SH3PXD2B: variants seen among roughly 807,000 people sequenced by gnomAD.
SH3PXD2B encodes the protein SH3 and PX domain-containing protein 2B.
In SH3PXD2B, 37 loss-of-function variants were observed where a neutral mutation model predicts 73.1. The ratio of observed to expected loss-of-function variants is 0.51; its 90% CI spans 0.39 to 0.67. The LOEUF (loss-of-function observed/expected upper bound fraction) is 0.67, where lower values mean the gene tolerates loss of function less well. SH3PXD2B is among the 30% of genes least tolerant of loss of function. The pLI is 0.00. For synonymous variants in SH3PXD2B, 457 were observed against 480.5 expected (o/e 0.95, Z 0.64); for missense variants, 1,053 against 1,197.8 (o/e 0.88, Z 1.78).
At chr5:172,406,671 G>A (rs1262149581) in intron 2 of SH3PXD2B, among the ~76,000 whole-genome samples, 1 of 152,168 alleles carries the variant, frequency 6.6e-6, no homozygotes, top group African/African-American at 2.4e-5. Context: ...GGATTTCATG[G>A]ACAGCAGGTC....
chr5:172,395,954 G>A (rs939350157), intron 3 of SH3PXD2B, among the ~76,000 whole-genome samples: 1 of 152,100 alleles, frequency 6.6e-6, no homozygotes, highest in Non-Finnish European at 1.5e-5. Flanking sequence ...TGGGTCAAGA[G>A]GCTGGCAAGG....
intron 7 of SH3PXD2B, among the ~76,000 whole-genome samples, chr5:172,359,343 T>C (rs148204047): frequency 0.065 from 8,733 of 134,010 alleles, 358 homozygotes; most frequent in South Asian, 0.23. Flanking sequence ...GCTATGATTG[T>C]GCCACTGCAC....
chr5:172,367,509 T>G (rs980010088), intron 6 of SH3PXD2B, among the ~76,000 whole-genome samples: 1 of 152,206 alleles, frequency 6.6e-6, no homozygotes, highest in African/African-American at 2.4e-5. Flanking sequence ...ATTACAGTTG[T>G]GAGCCACTGC....
intron 8 of SH3PXD2B, among the ~76,000 whole-genome samples, chr5:172,354,792 G>A (rs987667005): frequency 4.6e-5 from 7 of 152,126 alleles, no homozygotes; most frequent in Non-Finnish European, 1.0e-4. Context: ...ACTTTCATTC[G>A]TGTGACTGGG....
intron 4 of SH3PXD2B, among the ~76,000 whole-genome samples, chr5:172,383,910 T>C (rs1758002206): frequency 6.6e-6 from 1 of 151,754 alleles, no homozygotes; most frequent in African/African-American, 2.4e-5. Context: ...GCTGTGGTGC[T>C]ATCTTAGCAC....
At chr5:172,432,059 G>A (rs1225947352) in intron 1 of SH3PXD2B, among the ~76,000 whole-genome samples, 1 of 151,968 alleles carries the variant, frequency 6.6e-6, no homozygotes, top group Admixed American at 6.6e-5. Flanking sequence ...TGTAATCCCA[G>A]CTACTGGAGA....
At chr5:172,437,966 C>G (rs1332031930) in intron 1 of SH3PXD2B, among the ~76,000 whole-genome samples, 1 of 152,206 alleles carries the variant, frequency 6.6e-6, no homozygotes, top group South Asian at 2.1e-4. Context: ...CTCATTCATT[C>G]ATTCATTTGG....
At chr5:172,393,378 C>T (rs1003028784) in intron 4 of SH3PXD2B, among the ~76,000 whole-genome samples, 1 of 152,082 alleles carries the variant, frequency 6.6e-6, no homozygotes, top group African/African-American at 2.4e-5. Flanking sequence ...TTTAGAAATA[C>T]AATTGTTTTC....
At chr5:172,392,948 A>C (rs968803436) in intron 4 of SH3PXD2B, among the ~76,000 whole-genome samples, 2 of 152,184 alleles carry the variant, frequency 1.3e-5, no homozygotes, top group East Asian at 3.8e-4. Flanking sequence ...TGTCAGTACC[A>C]TACTATCCTG....
At chr5:172,381,049 T>A (rs1263261635) in intron 5 of SH3PXD2B, among the ~76,000 whole-genome samples, 1 of 152,220 alleles carries the variant, frequency 6.6e-6, no homozygotes, top group Non-Finnish European at 1.5e-5. Flanking sequence ...ATTTAAAAAA[T>A]TTTTGTGATT....
chr5:172,368,496 TTA>T (rs370892557), intron 6 of SH3PXD2B, among the ~76,000 whole-genome samples: 291 of 5,740 alleles, frequency 0.051, 20 homozygotes, highest in East Asian at 0.1. Context: ...TATATATATA[TTA>T]TATATATATA....
chr5:172,412,448 G>A (rs1419303335), intron 2 of SH3PXD2B, among the ~76,000 whole-genome samples: 1 of 152,218 alleles, frequency 6.6e-6, no homozygotes, highest in Admixed American at 6.5e-5. Context: ...CCCGGACAGT[G>A]CAGGGCTGGA....
At chr5:172,439,676 GTGCGCGCA>G (rs1379042868) in intron 1 of SH3PXD2B, among the ~76,000 whole-genome samples, 57 of 97,870 alleles carry the variant, frequency 5.8e-4, no homozygotes, top group Non-Finnish European at 2.8e-4. Flanking sequence ...GTGTGCGTGC[GTGCGCGCA>G]CGCGCGCGCA....
intron 1 of SH3PXD2B, among the ~76,000 whole-genome samples, chr5:172,442,777 C>T (rs964854813): frequency 6.6e-6 from 1 of 152,166 alleles, no homozygotes; most frequent in Non-Finnish European, 1.5e-5. Flanking sequence ...AGGAAGGGCT[C>T]TAAACCCTCT....
intron 6 of SH3PXD2B, among the ~76,000 whole-genome samples, chr5:172,372,858 G>C (rs1401321380): frequency 6.6e-6 from 1 of 152,148 alleles, no homozygotes; most frequent in African/African-American, 2.4e-5. Context: ...CTGGATTCTG[G>C]AAGTTCCGAA....
At chr5:172,418,134 C>T (rs1181541190) in intron 2 of SH3PXD2B, among the ~76,000 whole-genome samples, 2 of 152,206 alleles carry the variant, frequency 1.3e-5, no homozygotes, top group Non-Finnish European at 2.9e-5. Flanking sequence ...CCAATCTGAG[C>T]TCTGAGGCTC....
chr5:172,443,849 CTT>C (rs1759603259), intron 1 of SH3PXD2B, among the ~76,000 whole-genome samples: 2 of 152,244 alleles, frequency 1.3e-5, no homozygotes, highest in African/African-American at 4.8e-5. Flanking sequence ...TTGAAGGCAA[CTT>C]TTCCATTCAG....
Position 172,338,362 on chromosome 5 carries a change from G to A in SH3PXD2B, c.*7C>T. The A allele has an allele frequency of 6.2e-7, 1 of 1,614,062 alleles. No individual in the cohort carries two copies. The highest frequency in any genetic ancestry group is 1.1e-5 in the South Asian group (1 of 91,088). On this transcript the variant is annotated 3_prime_UTR_variant, in exon 13 of 13. Transcript: ENST00000311601. This position sits in a 1 kb window ranked among gnomAD's most constrained non-coding sequence, Gnocchi z 5.1. ...CCAGCGGGCCCTCTAGGCAGAAAGGGAGTCGGCTACGGCTTCTTTCTGAGA... is the reference window on the plus strand; with the variant it reads ...CCAGCGGGCCCTCTAGGCAGAAAGGAAGTCGGCTACGGCTTCTTTCTGAGA...
intron 8 of SH3PXD2B, among the ~76,000 whole-genome samples, chr5:172,358,322 G>A (rs1757324863): frequency 6.6e-6 from 1 of 152,246 alleles, no homozygotes; most frequent in Non-Finnish European, 1.5e-5. Flanking sequence ...ACGGAAGTGT[G>A]TCTGTGGGTG....
Sources: allele counts gnomAD v4.1 joint callset (sites outside exome capture counted in the v4.1 genomes callset), GRCh38; gene constraint gnomAD v4.1.1; non-coding constraint Gnocchi (gnomAD v3.1); transcripts MANE v1.5; gene names NCBI Gene and HGNC (gene_info 2026-07-23, HGNC 2026-07-21).